PTGER3: variants seen among roughly 807,000 people sequenced by gnomAD.
The protein encoded by PTGER3 is prostaglandin E2 receptor EP3 subtype.
In PTGER3, 22 loss-of-function variants were observed where a neutral mutation model predicts 34.7. That is an observed-to-expected ratio of 0.63 (90% CI 0.45 to 0.91). The LOEUF (loss-of-function observed/expected upper bound fraction) is 0.91, where lower values mean the gene tolerates loss of function less well. PTGER3 is among the 40% of genes least tolerant of loss of function. The pLI, the probability that PTGER3 is intolerant of heterozygous loss-of-function variation, is 0.00. For missense variants in PTGER3, 468 were observed against 519.4 expected, an observed-to-expected ratio of 0.90 and a Z score of 0.96; for synonymous variants, 241 against 230.1, an observed-to-expected ratio of 1.05 and a Z score of -0.43.
At chr1:70,937,179 T>C (rs1375723937) in intron 4 of PTGER3, among the ~76,000 whole-genome samples, 2 of 152,164 alleles carry the variant, frequency 1.3e-5, no homozygotes, top group Non-Finnish European at 2.9e-5. Flanking sequence ...ATAAGCATAG[T>C]GAATTTTGGG....
intron 1 of PTGER3, among the ~76,000 whole-genome samples, chr1:71,044,162 C>T (rs1244705459): frequency 1.3e-5 from 2 of 151,008 alleles, no homozygotes; most frequent in African/African-American, 4.8e-5. Context: ...CTAGGCCGGG[C>T]ACGGTGGCTC....
chr1:70,943,780 A>G (rs1649965669), intron 4 of PTGER3, among the ~76,000 whole-genome samples: 3 of 151,788 alleles, frequency 2.0e-5, no homozygotes, highest in Admixed American at 2.0e-4. Flanking sequence ...ATGCGCATTG[A>G]GATGGAGAGA....
At chr1:70,990,386 C>CACACACATAT (rs1206925417) in intron 2 of PTGER3, among the ~76,000 whole-genome samples, 71 of 131,386 alleles carry the variant, frequency 5.4e-4, no homozygotes, top group African/African-American at 2.0e-3. Flanking sequence ...CACACACACA[C>CACACACATAT]ATATATATAT....
At chr1:71,041,306 G>C (rs1008014612) in intron 1 of PTGER3, among the ~76,000 whole-genome samples, 1 of 152,220 alleles carries the variant, frequency 6.6e-6, no homozygotes, top group Non-Finnish European at 1.5e-5. Flanking sequence ...CCACTGTGGA[G>C]TATTGGTTGC....
intron 2 of PTGER3, chr1:70,953,892 T>C (rs1651035340): frequency 3.7e-6 from 2 of 546,010 alleles, no homozygotes; most frequent in East Asian, 3.4e-5. Context: ...TAGCTATTTC[T>C]GTGAGGGGTA....
chr1:70,942,181 G>A (rs1649819391), intron 4 of PTGER3, among the ~76,000 whole-genome samples: 1 of 152,146 alleles, frequency 6.6e-6, no homozygotes, highest in Admixed American at 6.6e-5. Context: ...TAAAGTGAAA[G>A]TCTTGAGCAC....
chr1:70,991,259 G>C (rs1479147502), intron 2 of PTGER3, among the ~76,000 whole-genome samples: 2 of 152,122 alleles, frequency 1.3e-5, no homozygotes, highest in East Asian at 3.9e-4. Flanking sequence ...GCTGGCCTGT[G>C]CACATTACAC....
At chr1:70,921,180 G>T (rs1457799561) in intron 4 of PTGER3, among the ~76,000 whole-genome samples, 2 of 151,888 alleles carry the variant, frequency 1.3e-5, no homozygotes, top group African/African-American at 4.8e-5. Context: ...AAAAAAATTA[G>T]GAAAGTCTTC....
At position 70,928,541 on chromosome 1, in the gene PTGER3, G is replaced by A. The variant is rs1648363467; in HGVS notation, c.*23+25222C>T. ...ACAGCTACTCAGGGGACTAAGGTTG[G>A]AGGATCACTTGAGCCTGAGAGATTG... is the stretch of plus-strand genomic sequence containing the variant. On this transcript the variant is annotated intron_variant, in intron 4 of 4. Transcript: ENST00000370931. 3.3e-5 allele frequency among the ~76,000 whole-genome samples: 5 copies of A among 152,080 alleles called. No individual in the cohort carries two copies. In the South Asian group the frequency reaches 1.0e-3, roughly 32 times the overall value.
intron 2 of PTGER3, among the ~76,000 whole-genome samples, chr1:70,957,166 G>A (rs1651432546): frequency 6.6e-6 from 1 of 152,106 alleles, no homozygotes; most frequent in East Asian, 1.9e-4. Flanking sequence ...ACATCTATTC[G>A]AATGTCCCCT....
At chr1:70,922,198 G>T (rs1647595556) in intron 4 of PTGER3, among the ~76,000 whole-genome samples, 1 of 152,056 alleles carries the variant, frequency 6.6e-6, no homozygotes, top group Non-Finnish European at 1.5e-5. Flanking sequence ...AATAAGCATA[G>T]CTTCTAGCTA....
downstream of PTGER3, among the ~76,000 whole-genome samples, chr1:70,970,217 C>A (rs1652937663): frequency 6.6e-6 from 1 of 152,056 alleles, no homozygotes. Context: ...ATAAACTGTA[C>A]CATCTTTTGT....
chr1:70,917,767 T>C (rs752073127), intron 4 of PTGER3, among the ~76,000 whole-genome samples: 2 of 152,058 alleles, frequency 1.3e-5, no homozygotes, highest in Non-Finnish European at 2.9e-5. Context: ...TGACATCTCA[T>C]TGTAGTTTAA....
chr1:71,020,644 C>A (rs980103288), intron 1 of PTGER3, among the ~76,000 whole-genome samples: 1 of 150,918 alleles, frequency 6.6e-6, no homozygotes, highest in Non-Finnish European at 1.5e-5. Flanking sequence ...AGTTAGAAGA[C>A]AGTGTATGAG....
chr1:70,997,952 T>C (rs990658257), intron 2 of PTGER3, among the ~76,000 whole-genome samples: 7 of 152,250 alleles, frequency 4.6e-5, no homozygotes, highest in African/African-American at 1.7e-4. Context: ...TTCTGGTATG[T>C]GCTTGAATAT....
At chr1:71,011,947 T>G in intron 2 of PTGER3, 1 of 1,256,178 alleles carries the variant, frequency 8.0e-7, no homozygotes, top group East Asian at 3.8e-5. Flanking sequence ...TTATAAAAAA[T>G]GTTTTCATCA....
At chr1:70,962,612 G>A (rs1405002701) in intron 2 of PTGER3, among the ~76,000 whole-genome samples, 4 of 152,136 alleles carry the variant, frequency 2.6e-5, no homozygotes, top group Non-Finnish European at 5.9e-5. Context: ...TGTGTGCAAG[G>A]GAACTCGTCT....
intron 2 of PTGER3, among the ~76,000 whole-genome samples, chr1:70,979,163 T>C (rs1434869682): frequency 6.6e-6 from 1 of 152,202 alleles, no homozygotes; most frequent in Non-Finnish European, 1.5e-5. Context: ...CGTTTCTGTT[T>C]GTTGATGGAC....
At chr1:70,916,500 A>G (rs569171749) in intron 4 of PTGER3, among the ~76,000 whole-genome samples, 1 of 152,216 alleles carries the variant, frequency 6.6e-6, no homozygotes, top group Non-Finnish European at 1.5e-5. Flanking sequence ...TCAGTGGTGG[A>G]CTGGATTAAG....
Sources: allele counts gnomAD v4.1 joint callset (sites outside exome capture counted in the v4.1 genomes callset), GRCh38; gene constraint gnomAD v4.1.1; transcripts MANE v1.5; gene names NCBI Gene and HGNC (gene_info 2026-07-23, HGNC 2026-07-21).